The following ARL13B variants were observed in gnomAD, a reference collection of about 807,000 sequenced individuals.
The protein encoded by ARL13B is ADP-ribosylation factor-like protein 13B.
ARL13B carries 36 observed loss-of-function variants against 56.1 expected under a neutral mutation model. The observed-to-expected ratio is 0.64, with a 90% CI of 0.49 to 0.85. ARL13B has a LOEUF of 0.85. ARL13B is among the 40% of genes least tolerant of loss of function. ARL13B has a pLI of 0.00. For missense variants in ARL13B, 519 were observed against 507.1 expected (o/e 1.02, Z -0.23); for synonymous variants, 178 against 171.1 (o/e 1.04, Z -0.32).
In ARL13B at chr3:94,055,153, A is replaced by G; in HGVS notation, c.*1890A>G. On this transcript the variant is annotated 3_prime_UTR_variant, in exon 10 of 10. Coordinates refer to ENST00000394222, the MANE Select transcript of ARL13B (RefSeq NM_001174150.2). ...TTTATTCCTTAAGCATTTTAAAAAC[A>G]TTTTAAAAAATGTTTTGTAAATCCA... is the stretch of plus-strand genomic sequence containing the variant. The G allele has an allele frequency of 2.7e-6, 1 of 368,218 alleles. No individual in the cohort carries two copies. The highest frequency in any genetic ancestry group is 2.1e-5 in the South Asian group (1 of 47,112). 22.8% of individuals were successfully genotyped at this position (368,218 alleles called of 1,614,324 possible).
intron 3 of ARL13B, among the ~76,000 whole-genome samples, chr3:94,011,501 G>A (rs936166819): frequency 9.9e-5 from 15 of 152,116 alleles, no homozygotes; most frequent in Admixed American, 7.2e-4. Context: ...AGAAACCATC[G>A]CACAAGAGTA....
At position 94,014,585 on chromosome 3, in the gene ARL13B, A is replaced by G. The variant is rs766618690; in HGVS notation, c.380+10677A>G. 1.2e-5 allele frequency: 19 copies of G among 1,612,482 alleles called. No homozygotes were observed. The South Asian group carries it at 1.2e-4, about 10-fold the overall frequency. On this transcript the variant is annotated intron_variant, in intron 3 of 9. Coordinates refer to ENST00000394222, the MANE Select transcript of ARL13B (RefSeq NM_001174150.2). ...GATATCTGAATGAAAAGATCCCTTAAATCCTTTATTTGGTTCTCCAAATTA... is the reference window on the plus strand; with the variant it reads ...GATATCTGAATGAAAAGATCCCTTAGATCCTTTATTTGGTTCTCCAAATTA...
intron 3 of ARL13B, among the ~76,000 whole-genome samples, chr3:94,019,247 A>G (rs958391815): frequency 1.4e-4 from 21 of 151,704 alleles, no homozygotes; most frequent in African/African-American, 5.1e-4. Flanking sequence ...CCTAGGCTGG[A>G]GTGCAGTGGC....
At chr3:94,032,432 G>T (rs2076692311) in intron 3 of ARL13B, among the ~76,000 whole-genome samples, 1 of 152,100 alleles carries the variant, frequency 6.6e-6, no homozygotes, top group African/African-American at 2.4e-5. Context: ...TGTAGCAAAA[G>T]GAATGTTTAT....
rs555257747 is a variant in ARL13B at position 93,988,786 on chromosome 3, A to T, written c.60-7088A>T. The T allele has an allele frequency of 7.0e-3, 2,399 of 341,630 alleles. 29 individuals are homozygous for T. The highest frequency in any genetic ancestry group is 0.04 in the African/African-American group (1,494 of 37,534). The allele number at this position is 341,630 out of a possible 1,614,324, so 21.2% of individuals were successfully genotyped here. ...TGCTCCCCTTTTCCCATTTGTTTGC[A>T]TTTTTTTTTTTTTTTTAATCTGAAG... On this transcript the variant is annotated intron_variant, in intron 1 of 9. Transcript: ENST00000394222.
chr3:94,007,938 A>G (rs1413116191), intron 3 of ARL13B, among the ~76,000 whole-genome samples: 1 of 152,192 alleles, frequency 6.6e-6, no homozygotes, highest in Non-Finnish European at 1.5e-5. Flanking sequence ...AAGTTTAGGG[A>G]GAAGACAGAG....
intron 3 of ARL13B, among the ~76,000 whole-genome samples, chr3:94,035,081 C>CA (rs1354407016): frequency 6.6e-6 from 1 of 151,872 alleles, no homozygotes; most frequent in Non-Finnish European, 1.5e-5. Flanking sequence ...ACTGAAAATA[C>CA]AAAAAATTAG....
At chr3:93,991,664 TCC>T (rs1191287546) in intron 1 of ARL13B, among the ~76,000 whole-genome samples, 8 of 152,226 alleles carry the variant, frequency 5.3e-5, no homozygotes, top group Non-Finnish European at 1.2e-4. Context: ...AGCCACCATG[TCC>T]GTCCAATTTA....
At chr3:94,018,594 C>T (rs1171466192) in intron 3 of ARL13B, among the ~76,000 whole-genome samples, 1 of 152,032 alleles carries the variant, frequency 6.6e-6, no homozygotes, top group Non-Finnish European at 1.5e-5. Flanking sequence ...GCTGATGACC[C>T]AAATTTGTAT....
intron 8 of ARL13B, 55 bp from the exon 9 acceptor site, chr3:94,050,769 G>T: frequency 2.7e-6 from 4 of 1,476,810 alleles, no homozygotes; most frequent in Non-Finnish European, 3.7e-6. Flanking sequence ...CCTCTCAACA[G>T]ACCTAAAGAA....
intron 3 of ARL13B, among the ~76,000 whole-genome samples, chr3:94,005,483 A>C (rs2076119091): frequency 6.6e-6 from 1 of 152,236 alleles, no homozygotes; most frequent in African/African-American, 2.4e-5. Context: ...TTAAGTGACT[A>C]CAGTGATTAC....
chr3:94,041,831 T>A (rs2076868137), intron 6 of ARL13B, among the ~76,000 whole-genome samples: 2 of 152,146 alleles, frequency 1.3e-5, no homozygotes. Context: ...TCCCAGCACT[T>A]TGGGAGGCCG....
rs371557299 is a variant in ARL13B at position 94,029,419 on chromosome 3, C to A, written c.381-5912C>A. On this transcript the variant is annotated intron_variant, in intron 3 of 9. Coordinates refer to ENST00000394222, the MANE Select transcript of ARL13B (RefSeq NM_001174150.2). The stretch of plus-strand genomic sequence containing the variant: ...CTGGAGTGCAGTGGCACGATCTTGG[C>A]TCACTGCAACCTCCGTCTCCCGGGT... Among the ~76,000 whole-genome samples the A allele has an allele frequency of 2.9e-5, 4 of 140,044 alleles. No individual in the cohort carries two copies. In the Admixed American group the frequency reaches 3.1e-4, roughly 11 times the overall value. 91.9% of individuals were successfully genotyped at this position (140,044 alleles called of 152,430 possible). A position where few individuals can be genotyped will look rare whatever the true frequency, so the allele number is the denominator to read the frequency against.
chr3:94,042,951 C>T, intron 6 of ARL13B, 64 bp from the exon 7 acceptor site: 2 of 1,330,148 alleles, frequency 1.5e-6, no homozygotes, highest in East Asian at 2.5e-5. Context: ...TTGATTTCCT[C>T]TCCCTTAAAA....
chr3:94,055,207 T>C lies in ARL13B; in HGVS notation c.*1944T>C, dbSNP rs761464983. ...GTATTTTAACAATTAAATGCCTATT[T>C]TGTTATATGTTATACTTTTATTCTT... is the stretch of plus-strand genomic sequence containing the variant. On this transcript the variant is annotated 3_prime_UTR_variant, in exon 10 of 10. Coordinates refer to ENST00000394222, the MANE Select transcript of ARL13B (RefSeq NM_001174150.2). 1.0e-5 allele frequency: 4 copies of C among 385,236 alleles called. No homozygotes were observed. Among genetic ancestry groups the C allele is most frequent in the African/African-American group, 6.4e-5 (3 of 47,138 alleles). 23.9% of individuals were successfully genotyped at this position (385,236 alleles called of 1,614,324 possible).
chr3:94,003,102 G>C (rs1156767721), intron 2 of ARL13B, among the ~76,000 whole-genome samples: 1 of 152,124 alleles, frequency 6.6e-6, no homozygotes, highest in African/African-American at 2.4e-5. Flanking sequence ...TCCAAAATAT[G>C]TTCCTATAGA....
intron 3 of ARL13B, among the ~76,000 whole-genome samples, chr3:94,015,462 A>G (rs1227788600): frequency 1.3e-5 from 2 of 152,232 alleles, no homozygotes; most frequent in East Asian, 1.9e-4. Flanking sequence ...TAGGGAAAGA[A>G]ATATAAAATA....
At chr3:94,029,643 T>G (rs2076639882) in intron 3 of ARL13B, among the ~76,000 whole-genome samples, 1 of 151,928 alleles carries the variant, frequency 6.6e-6, no homozygotes, top group South Asian at 2.1e-4. Flanking sequence ...GCCCGGCCAA[T>G]CACATTTATA....
intron 6 of ARL13B, among the ~76,000 whole-genome samples, chr3:94,040,336 G>A (rs1246262833): frequency 1.3e-5 from 2 of 152,010 alleles, no homozygotes; most frequent in Non-Finnish European, 2.9e-5. Context: ...CTGTGTTTCT[G>A]TATTGCTGTT....
Sources: gnomAD v4.1 joint callset for allele counts (sites outside exome capture counted in the v4.1 genomes callset) on GRCh38, gnomAD v4.1.1 for gene constraint, MANE v1.5 for transcripts, NCBI Gene and HGNC (gene_info 2026-07-23, HGNC 2026-07-21) for gene names.